DST: variants seen among roughly 807,000 people sequenced by gnomAD.
DST encodes the protein bullous pemphigoid antigen.
A neutral mutation model predicts 875.2 loss-of-function variants in DST; 253 were observed. That is an observed-to-expected ratio of 0.29 (90% CI 0.26 to 0.32). The LOEUF is 0.32. Among genes scored for constraint, DST ranks in the 10% least tolerant of loss-of-function variants. The pLI is 1.00. For synonymous variants in DST, 3,124 were observed against 3,197.1 expected, an observed-to-expected ratio of 0.98 and a Z score of 0.77; for missense variants, 8,287 against 9,111.6, an observed-to-expected ratio of 0.91 and a Z score of 3.68.
intron 52 of DST, 128 bp downstream of exon 52, chr6:56,572,619 A>C: frequency 1.4e-6 from 1 of 689,712 alleles, no homozygotes; most frequent in Non-Finnish European, 2.3e-6. Flanking sequence ...AAAGGAGTAA[A>C]ACATAGATCT....
chr6:56,908,128 CAT>C (rs1797261469), intron 2 of DST, among the ~76,000 whole-genome samples: 1 of 151,980 alleles, frequency 6.6e-6, no homozygotes, highest in East Asian at 1.9e-4. Context: ...TATATACACA[CAT>C]ATATGTATAT....
chr6:56,801,988 G>A (rs1379539297), intron 4 of DST, among the ~76,000 whole-genome samples: 1 of 152,072 alleles, frequency 6.6e-6, no homozygotes, highest in Non-Finnish European at 1.5e-5. Flanking sequence ...GACCTCAGGT[G>A]ATTGGCCCAC....
chr6:56,498,375 A>G (rs1459108811), intron 80 of DST, among the ~76,000 whole-genome samples: 1 of 151,906 alleles, frequency 6.6e-6, no homozygotes, highest in Non-Finnish European at 1.5e-5. Flanking sequence ...TAGTCTCACT[A>G]TGTTGCCCAG....
At chr6:56,790,964 A>T (rs1418196093) in intron 4 of DST, among the ~76,000 whole-genome samples, 1 of 152,210 alleles carries the variant, frequency 6.6e-6, no homozygotes, top group African/African-American at 2.4e-5. Context: ...AACCTAACAA[A>T]TTCCTTCCCA....
At chr6:56,485,149 C>A in intron 88 of DST, 163 bp downstream of exon 88, 2 of 700,270 alleles carry the variant, frequency 2.9e-6, no homozygotes, top group Admixed American at 3.2e-5. Context: ...TTAAAGTTTG[C>A]TTCCAGGTTC....
At chr6:56,836,685 C>T (rs574742543) in intron 4 of DST, among the ~76,000 whole-genome samples, 2 of 151,360 alleles carry the variant, frequency 1.3e-5, no homozygotes, top group Non-Finnish European at 2.9e-5. Flanking sequence ...CCCGTCTCTA[C>T]TAAAAATACA....
intron 4 of DST, among the ~76,000 whole-genome samples, chr6:56,771,055 T>C (rs1039023110): frequency 2.0e-5 from 3 of 149,194 alleles, no homozygotes; most frequent in East Asian, 2.0e-4. Flanking sequence ...AGGAGTAAGG[T>C]AGGAATTTGA....
intron 4 of DST, among the ~76,000 whole-genome samples, chr6:56,812,341 A>G (rs2153037301): frequency 6.6e-6 from 1 of 152,290 alleles, no homozygotes; most frequent in Admixed American, 6.5e-5. Context: ...AAAAAGACAG[A>G]AGTGAAAGAA....
At chr6:56,721,064 GC>G (rs1314047866) in intron 5 of DST, among the ~76,000 whole-genome samples, 1 of 146,226 alleles carries the variant, frequency 6.8e-6, no homozygotes, top group Non-Finnish European at 1.5e-5. Context: ...GGGCAGGGGC[GC>G]CCCCCCCACC....
chr6:56,912,190 G>C (rs1370779160), intron 2 of DST, among the ~76,000 whole-genome samples: 1 of 152,162 alleles, frequency 6.6e-6, no homozygotes, highest in Admixed American at 6.5e-5. Flanking sequence ...TCCATCATTA[G>C]AACAGTGGTC....
intron 2 of DST, among the ~76,000 whole-genome samples, chr6:56,910,953 C>T (rs998799777): frequency 2.0e-5 from 3 of 152,166 alleles, no homozygotes; most frequent in African/African-American, 7.2e-5. Flanking sequence ...AACTTAGGTG[C>T]AGTTTTGTAA....
At chr6:56,538,635 T>C (rs1257179193) in intron 61 of DST, among the ~76,000 whole-genome samples, 3 of 152,168 alleles carry the variant, frequency 2.0e-5, no homozygotes, top group Non-Finnish European at 4.4e-5. Flanking sequence ...CATGAGTAAA[T>C]TAGAGAACAG....
chr6:56,780,920 G>C (rs1424637407), intron 4 of DST, among the ~76,000 whole-genome samples: 2 of 152,192 alleles, frequency 1.3e-5, no homozygotes, highest in African/African-American at 2.4e-5. Flanking sequence ...ATAAGGAAGG[G>C]ATCCAGTTTC....
In DST at chr6:56,639,926, T is replaced by C. The variant is rs773609360; in HGVS notation, c.2619+3A>G. On this transcript the variant is annotated splice_donor_region_variant and intron_variant, in intron 19 of 103. Transcript: ENST00000680361. Reference sequence around the variant, plus strand: ...AATATATACAAATTTTAAATTCACATACCTCACTGATTTTAGCTTCTTTGA... The same window carrying C: ...AATATATACAAATTTTAAATTCACACACCTCACTGATTTTAGCTTCTTTGA... The C allele has an allele frequency of 6.2e-7, 1 of 1,611,346 alleles. No individual in the cohort carries two copies. The highest frequency in any genetic ancestry group is 8.5e-7 in the Non-Finnish European group (1 of 1,178,432).
At chr6:56,640,940 A>G (rs1477634813) in intron 17 of DST, among the ~76,000 whole-genome samples, 1 of 152,164 alleles carries the variant, frequency 6.6e-6, no homozygotes, top group Non-Finnish European at 1.5e-5. Context: ...GAGGACTTTC[A>G]ATCTTATTTG....
chr6:56,461,612 T>A (rs949688850), intron 102 of DST: 2 of 152,260 alleles, frequency 1.3e-5, no homozygotes, highest in African/African-American at 2.4e-5. Context: ...TTTTGGTTTT[T>A]TGTTTCATCA....
intron 4 of DST, among the ~76,000 whole-genome samples, chr6:56,786,642 C>T (rs1261079231): frequency 6.6e-6 from 1 of 152,200 alleles, no homozygotes; most frequent in Non-Finnish European, 1.5e-5. Context: ...AAGTGATTCT[C>T]TTGCCTCAGC....
chr6:56,592,934 A>G (rs145467569), intron 48 of DST, among the ~76,000 whole-genome samples: 3,803 of 152,178 alleles, frequency 0.025, 75 homozygotes, highest in Non-Finnish European at 0.042. Flanking sequence ...AACAAGCAAA[A>G]CAGTCTTTTA....
In DST at chr6:56,632,935, C is replaced by T. The variant is rs1289290573; in HGVS notation, c.3724G>A (p.Gly1242Ser). The change falls in exon 28 of 104, where the codon GGC becomes AGC. Residue 1242 changes from glycine to serine, a missense_variant. Gly to Ser is a moderately conservative substitution (Grantham distance 56). This residue lies in a region of DST where 3,138 missense variants were observed against 3,116.6 expected (regional missense o/e 1.01). Transcript: ENST00000680361. ...EDSQESQVFS[G>S]SDITQLEKEV... ...TTTTCCAGTTGTGTTATATCTGAGCCTGAAAAGACTTGGGATTCCTGGCTA... is the reference window on the plus strand; with the variant it reads ...TTTTCCAGTTGTGTTATATCTGAGCTTGAAAAGACTTGGGATTCCTGGCTA... 1 of 1,613,908 alleles carries T rather than the reference C, an allele frequency of 6.2e-7. No individual in the cohort carries two copies. The highest frequency in any genetic ancestry group is 8.5e-7 in the Non-Finnish European group (1 of 1,179,890).
Sources: allele counts gnomAD v4.1 joint callset (sites outside exome capture counted in the v4.1 genomes callset), GRCh38; gene constraint gnomAD v4.1.1; regional missense constraint gnomAD v4.1.1; transcripts MANE v1.5; gene names NCBI Gene and HGNC (gene_info 2026-07-23, HGNC 2026-07-21).